The following RNF212B variants were observed in gnomAD, a reference collection of about 807,000 sequenced individuals.
RNF212B encodes the protein ring finger protein 212B.
Under a neutral mutation model 55.5 loss-of-function variants are expected in RNF212B, and 52 were observed. That is an observed-to-expected ratio of 0.94 (90% CI 0.75 to 1.18). RNF212B has a LOEUF of 1.18. Ranked by LOEUF, RNF212B falls within the 50% of genes most tolerant of loss-of-function variation. The probability of loss-of-function intolerance (pLI) is 0.00; values close to 1 mark genes in which losing one functional copy is unlikely to be tolerated. For synonymous variants in RNF212B, 99 were observed against 121.4 expected (o/e 0.82, Z 1.21); for missense variants, 289 against 350.4 (o/e 0.82, Z 1.40).
chr14:23,203,503 G>C (rs1194999833), intron 2 of RNF212B, among the ~76,000 whole-genome samples: 2 of 142,102 alleles, frequency 1.4e-5, no homozygotes, highest in Admixed American at 7.1e-5. Flanking sequence ...TTTTGAGATG[G>C]AGCCTTGCTC....
chr14:23,189,148 C>T (rs945303434), intron 1 of RNF212B, among the ~76,000 whole-genome samples: 1 of 152,182 alleles, frequency 6.6e-6, no homozygotes, highest in African/African-American at 2.4e-5. Flanking sequence ...TTCCAATTAC[C>T]TGCTCCTCTC....
At chr14:23,210,985 C>T (rs1173271609) in intron 2 of RNF212B, among the ~76,000 whole-genome samples, 1 of 151,304 alleles carries the variant, frequency 6.6e-6, no homozygotes, top group Non-Finnish European at 1.5e-5. Flanking sequence ...TTTGGGAGGC[C>T]AAGGTGGACA....
rs776102338 is a variant in RNF212B at position 23,260,733 on chromosome 14, C to T, written c.434+46C>T. ...TACTAGCCCAGCCCCCTGAAAATTC[C>T]TGTTCTTTCTTGACTCCTGGCTGTG... On this transcript the variant is annotated intron_variant, in intron 7 of 14. Transcript: ENST00000430154. 7.2e-6 allele frequency: 11 copies of T among 1,521,442 alleles called. No homozygotes were observed. In the South Asian group the frequency reaches 1.3e-4, roughly 18 times the overall value. 94.2% of individuals were successfully genotyped at this position (1,521,442 alleles called of 1,614,324 possible).
intron 14 of RNF212B, chr14:23,272,486 G>A: frequency 3.6e-6 from 1 of 278,046 alleles, no homozygotes; most frequent in Non-Finnish European, 6.9e-6. Context: ...GTTATTGAAG[G>A]AAATGCCACC....
intron 2 of RNF212B, among the ~76,000 whole-genome samples, chr14:23,221,701 C>T (rs575388711): frequency 1.8e-4 from 27 of 152,124 alleles, no homozygotes; most frequent in Non-Finnish European, 2.1e-4. Flanking sequence ...TTCTTTTTAG[C>T]GCATGGGTAA....
intron 4 of RNF212B, 34 bp from the exon 5 acceptor site, chr14:23,258,515 G>C: frequency 1.9e-6 from 2 of 1,032,350 alleles, no homozygotes; most frequent in Non-Finnish European, 2.9e-6. Flanking sequence ...GGAGTTATGG[G>C]AGAGTATGTC....
At chr14:23,245,988 A>T (rs1323653433) in intron 4 of RNF212B, among the ~76,000 whole-genome samples, 1 of 152,192 alleles carries the variant, frequency 6.6e-6, no homozygotes, top group African/African-American at 2.4e-5. Flanking sequence ...TCCAATCTCT[A>T]CAAAGACTTA....
intron 2 of RNF212B, among the ~76,000 whole-genome samples, chr14:23,204,037 A>G (rs1016597502): frequency 1.3e-5 from 2 of 152,008 alleles, no homozygotes; most frequent in Admixed American, 1.3e-4. Flanking sequence ...AGAATTGTCT[A>G]TTCATGTCCT....
At chr14:23,212,716 T>A (rs1161595401) in intron 2 of RNF212B, among the ~76,000 whole-genome samples, 1 of 151,884 alleles carries the variant, frequency 6.6e-6, no homozygotes, top group Non-Finnish European at 1.5e-5. Flanking sequence ...TTAATAGAGA[T>A]GGAGTCTTGC....
chr14:23,248,440 CT>C (rs34288769), intron 4 of RNF212B, among the ~76,000 whole-genome samples: 26,472 of 112,540 alleles, frequency 0.24, 2,595 homozygotes, highest in African/African-American at 0.28. Context: ...CCCCAAGCCT[CT>C]TTTTTTTTTT....
chr14:23,261,621 G>A (rs548293684), intron 7 of RNF212B, among the ~76,000 whole-genome samples: 3 of 152,148 alleles, frequency 2.0e-5, no homozygotes, highest in Non-Finnish European at 4.4e-5. Context: ...ATATACCACC[G>A]GTCCTTTCTA....
At chr14:23,264,307 C>T (rs569234090) in intron 10 of RNF212B, 73 bp downstream of exon 10, 1 of 1,258,318 alleles carries the variant, frequency 7.9e-7, no homozygotes, top group Non-Finnish European at 1.1e-6. Context: ...TTATCAAGAA[C>T]TTAAATTTAT....
At chr14:23,237,281 C>T (rs566461482), upstream of RNF212B, among the ~76,000 whole-genome samples, 2 of 152,196 alleles carry the variant, frequency 1.3e-5, no homozygotes, top group East Asian at 3.9e-4. Flanking sequence ...AGGTGCGTGT[C>T]GCCACACTCG....
upstream of RNF212B, among the ~76,000 whole-genome samples, chr14:23,236,779 T>C (rs1240553115): frequency 6.6e-6 from 1 of 151,978 alleles, no homozygotes; most frequent in Non-Finnish European, 1.5e-5. Flanking sequence ...CTACTCTAAG[T>C]GGATTCCTCA....
chr14:23,221,226 A>C (rs1881544999), intron 2 of RNF212B, among the ~76,000 whole-genome samples: 1 of 147,662 alleles, frequency 6.8e-6, no homozygotes, highest in South Asian at 2.1e-4. Context: ...GTCTCTACTG[A>C]AAATAGGAAA....
chr14:23,245,096 C>T (rs1883894263), intron 4 of RNF212B, among the ~76,000 whole-genome samples: 1 of 152,138 alleles, frequency 6.6e-6, no homozygotes, highest in Non-Finnish European at 1.5e-5. Context: ...CCTATCTTGG[C>T]ATATTTCTTG....
At chr14:23,197,427 C>T (rs116922756) in intron 2 of RNF212B, among the ~76,000 whole-genome samples, 11,001 of 152,008 alleles carry the variant, frequency 0.072, 450 homozygotes, top group Middle Eastern at 0.095. Flanking sequence ...CTTGGGAGGT[C>T]GAGGCATGAG....
chr14:23,252,231 A>G (rs7150075), intron 4 of RNF212B, among the ~76,000 whole-genome samples: 26,845 of 151,964 alleles, frequency 0.18, 3,572 homozygotes, highest in African/African-American at 0.38. Flanking sequence ...GGTTGAAAGG[A>G]GCTTGTTATG....
intron 2 of RNF212B, among the ~76,000 whole-genome samples, chr14:23,194,734 C>CAAAAAA (rs34019946): frequency 3.6e-4 from 27 of 74,892 alleles, no homozygotes; most frequent in East Asian, 1.0e-3. Context: ...GACTCTGTCT[C>CAAAAAA]AAAAAAAAAA....
Sources: allele counts gnomAD v4.1 joint callset (sites outside exome capture counted in the v4.1 genomes callset), GRCh38; gene constraint gnomAD v4.1.1; transcripts MANE v1.5; gene names NCBI Gene and HGNC (gene_info 2026-07-23, HGNC 2026-07-21).